Variants in AGPAT3 observed in about 807,000 individuals in gnomAD.
AGPAT3 encodes 1-acylglycerol-3-phosphate O-acyltransferase 3, also known as 1-acyl-sn-glycerol-3-phosphate acyltransferase gamma.
In AGPAT3, 5 loss-of-function variants were observed where a neutral mutation model predicts 47.3. The observed-to-expected ratio is 0.11, with a 90% CI of 0.06 to 0.22. The LOEUF is 0.22. Ranked by LOEUF, AGPAT3 falls within the 10% of genes least tolerant of loss-of-function variation. The pLI is 1.00. For synonymous variants in AGPAT3, 212 were observed against 208.3 expected (o/e 1.02, Z -0.15); for missense variants, 315 against 493.0 (o/e 0.64, Z 3.42).
rs1181688185 is a variant in AGPAT3, at chr21:43,985,515, A to G, written c.*3123A>G. On this transcript the variant is annotated 3_prime_UTR_variant, in exon 10 of 10. Transcript: ENST00000291572. ...CTTTCCTCACGCTGTTCGTTGCGGT[A>G]TTGCTGAGCATTGATGTTGATTTGA... The G allele has an allele frequency of 3.4e-6, 1 of 295,098 alleles. No individual in the cohort carries two copies. Among genetic ancestry groups the G allele is most frequent in the Non-Finnish European group, 6.6e-6 (1 of 151,536 alleles). The allele number at this position is 295,098 out of a possible 1,614,324, so 18.3% of individuals were successfully genotyped here. A position where few individuals can be genotyped will look rare whatever the true frequency, so the allele number is the denominator to read the frequency against.
chr21:43,972,304 C>T (rs141038169), intron 7 of AGPAT3, among the ~76,000 whole-genome samples: 1 of 152,296 alleles, frequency 6.6e-6, no homozygotes, highest in Non-Finnish European at 1.5e-5. Flanking sequence ...ACTACCTCGC[C>T]TGGCTAATTT....
Position 43,952,089 on chromosome 21 carries a change from T to C in AGPAT3, c.-48-7545T>C, listed in dbSNP as rs1176248888. On this transcript the variant is annotated intron_variant, in intron 2 of 9. Transcript: ENST00000291572. This position sits in a 1 kb window ranked among gnomAD's most constrained non-coding sequence, Gnocchi z 5.6. Reference sequence around the variant, plus strand: ...ATGGCGGAACACGGGGATGGGCCCGTACCTCTCCAGAACTACGGACCTGGG... The same window carrying C: ...ATGGCGGAACACGGGGATGGGCCCGCACCTCTCCAGAACTACGGACCTGGG... Among the ~76,000 whole-genome samples the C allele has an allele frequency of 6.6e-6, 1 of 152,042 alleles. No individual in the cohort carries two copies. The highest frequency in any genetic ancestry group is 2.4e-5 in the African/African-American group (1 of 41,382).
chr21:43,959,745 G>C lies in AGPAT3; in HGVS notation c.64G>C (p.Val22Leu). 3 of 1,613,884 alleles carry C rather than the reference G, an allele frequency of 1.9e-6. No homozygotes were observed. Among genetic ancestry groups the C allele is most frequent in the South Asian group, 1.1e-5 (1 of 91,088 alleles). ...GCACCTGCTGGTCGGCTTTGTCTTC[G>C]TGGTGAGTGGTCTGGTCATCAACTT... The part of the protein sequence containing the change: ...VLHLLVGFVF[V>L]VSGLVINFVQ... Residue 22 changes from valine (V) to leucine (L), a missense_variant, in exon 3 of 10, where the codon GTG (valine) becomes CTG (leucine). Transcript: ENST00000291572.
At chr21:43,923,433 C>T (rs548583553) in intron 2 of AGPAT3, among the ~76,000 whole-genome samples, 1 of 152,356 alleles carries the variant, frequency 6.6e-6, no homozygotes, top group South Asian at 2.1e-4. Flanking sequence ...CCGTGAGATG[C>T]GTGGATGTTT....
intron 2 of AGPAT3, among the ~76,000 whole-genome samples, chr21:43,904,654 G>A (rs2086444882): frequency 6.6e-6 from 1 of 152,164 alleles, no homozygotes; most frequent in Admixed American, 6.5e-5. Context: ...GCCCAGGGTT[G>A]GGGCAGCTCC....
In AGPAT3 at chr21:43,954,038, C is replaced by T. The variant is rs1312417472; in HGVS notation, c.-48-5596C>T. On this transcript the variant is annotated intron_variant, in intron 2 of 9. Coordinates refer to ENST00000291572, the MANE Select transcript of AGPAT3 (RefSeq NM_020132.5). This position sits in a 1 kb window ranked among gnomAD's most constrained non-coding sequence, Gnocchi z 4.0. The stretch of plus-strand genomic sequence containing the variant: ...GAAAAATAAAAAATAAAAATGTAGA[C>T]GTCAACTTCACATTGTCTGGGGATG... Among the ~76,000 whole-genome samples, 3 of 152,250 alleles carry T rather than the reference C, an allele frequency of 2.0e-5. No individual in the cohort carries two copies. The highest frequency in any genetic ancestry group is 4.4e-5 in the Non-Finnish European group (3 of 68,048).
At chr21:43,960,302 CTG>C (rs1402570359) in intron 3 of AGPAT3, among the ~76,000 whole-genome samples, 6 of 152,202 alleles carry the variant, frequency 3.9e-5, no homozygotes, top group African/African-American at 1.4e-4. Context: ...ACATGTGTAG[CTG>C]TGTGTCTGTC....
intron 1 of AGPAT3, among the ~76,000 whole-genome samples, chr21:43,872,787 C>T (rs2085649385): frequency 6.6e-6 from 1 of 152,234 alleles, no homozygotes; most frequent in African/African-American, 2.4e-5. Flanking sequence ...GGAAATGCTT[C>T]TACCATGCTG....
chr21:43,967,127 T>C (rs4819354), intron 3 of AGPAT3: 80,322 of 152,278 alleles, frequency 0.53, 22,445 homozygotes, highest in African/African-American at 0.72. Context: ...CTCCCAGGCG[T>C]GCAGGTCTCC....
intron 1 of AGPAT3, among the ~76,000 whole-genome samples, chr21:43,897,478 GCTGTTAGGCACAC>G (rs893475439): frequency 1.1e-4 from 16 of 147,056 alleles, no homozygotes; most frequent in African/African-American, 3.5e-4. Flanking sequence ...TCCCTTCGGA[GCTGTTAGGCACAC>G]CTGCAGAAGG....
At chr21:43,972,251 T>A (rs151072268) in intron 7 of AGPAT3, among the ~76,000 whole-genome samples, 2,107 of 151,930 alleles carry the variant, frequency 0.014, 34 homozygotes, top group Middle Eastern at 0.068. Flanking sequence ...TTCAAGCAAT[T>A]CTCCTGTCTC....
chr21:43,974,611 T>A (rs2089534056), intron 7 of AGPAT3, among the ~76,000 whole-genome samples: 1 of 151,748 alleles, frequency 6.6e-6, no homozygotes, highest in Non-Finnish European at 1.5e-5. Context: ...GTGGTGTGTG[T>A]GTATAAATTA....
chr21:43,873,386 C>T (rs533006244), intron 1 of AGPAT3, among the ~76,000 whole-genome samples: 19 of 152,288 alleles, frequency 1.2e-4, no homozygotes, highest in African/African-American at 3.6e-4. Flanking sequence ...GTAAAGCACG[C>T]GCACCAGCAA....
In AGPAT3 at chr21:43,954,195, GT is replaced by G. The variant is rs1388438559; in HGVS notation, c.-48-5438del. Among the ~76,000 whole-genome samples, 1 of 152,214 alleles carries G rather than the reference GT, an allele frequency of 6.6e-6. No homozygotes were observed. The highest frequency in any genetic ancestry group is 2.1e-4 in the South Asian group (1 of 4,834). On this transcript the variant is annotated intron_variant, in intron 2 of 9. Transcript: ENST00000291572. This position sits in a 1 kb window ranked among gnomAD's most constrained non-coding sequence, Gnocchi z 4.0. ...TTTGAAGCTGGAGGCGGGGACCGGT[GT>G]GGCCAAGCAGGGCACCTTCCTCACC...
intron 1 of AGPAT3, among the ~76,000 whole-genome samples, chr21:43,889,905 G>A (rs2086064443): frequency 6.6e-6 from 1 of 152,146 alleles, no homozygotes; most frequent in Non-Finnish European, 1.5e-5. Context: ...GCTGAAATGG[G>A]GTGGCCATTG....
chr21:43,961,695 TG>T (rs2088868521), intron 3 of AGPAT3, among the ~76,000 whole-genome samples: 1 of 152,004 alleles, frequency 6.6e-6, no homozygotes, highest in South Asian at 2.1e-4. Context: ...TTGTCTCATG[TG>T]GGAAATGGTG....
intron 4 of AGPAT3, among the ~76,000 whole-genome samples, chr21:43,968,746 G>A (rs146528536): frequency 3.4e-4 from 51 of 152,192 alleles, no homozygotes; most frequent in Admixed American, 5.9e-4. Context: ...AACCACTTCC[G>A]TTAGCTAAGC....
In AGPAT3 at chr21:43,982,819, GTCC is replaced by G. The variant is rs1281177923; in HGVS notation, c.*432_*434del. The G allele has an allele frequency of 5.9e-6, 1 of 169,118 alleles. No individual in the cohort carries two copies. Among genetic ancestry groups the G allele is most frequent in the Non-Finnish European group, 1.3e-5 (1 of 79,828 alleles). 10.5% of individuals were successfully genotyped at this position (169,118 alleles called of 1,614,324 possible). A position where few individuals can be genotyped will look rare whatever the true frequency, so the allele number is the denominator to read the frequency against. On this transcript the variant is annotated 3_prime_UTR_variant, in exon 10 of 10. Transcript: ENST00000291572. The surrounding 1 kb of genome is among the most constrained non-coding windows in gnomAD (Gnocchi z 6.2). ...AACTGTCTCGTAATGAATTTCTGCT[GTCC>G]TCCTGGGAGTGGACGGCCGGGTCCC...
chr21:43,944,972 T>C (rs1431782744), intron 2 of AGPAT3, among the ~76,000 whole-genome samples: 1 of 152,036 alleles, frequency 6.6e-6, no homozygotes, highest in Non-Finnish European at 1.5e-5. Context: ...CAGGCAAGGG[T>C]CCCTCGGGGT....
Sources: allele counts gnomAD v4.1 joint callset (sites outside exome capture counted in the v4.1 genomes callset), GRCh38; gene constraint gnomAD v4.1.1; non-coding constraint Gnocchi (gnomAD v3.1); transcripts MANE v1.5; gene names NCBI Gene and HGNC (gene_info 2026-07-23, HGNC 2026-07-21).